The following CDK13 variants were observed in gnomAD, a reference collection of about 807,000 sequenced individuals.
CDK13 encodes the protein cyclin-dependent kinase 13.
Under a neutral mutation model 137.6 loss-of-function variants are expected in CDK13, and 40 were observed. That is an observed-to-expected ratio of 0.29 (90% confidence interval 0.23 to 0.38). The LOEUF (loss-of-function observed/expected upper bound fraction) is 0.38. CDK13 is among the 10% of genes least tolerant of loss of function. CDK13 has a pLI of 1.00. For missense variants in CDK13, 1,704 were observed against 1,951.8 expected (o/e 0.87, Z 2.39); for synonymous variants, 869 against 760.1 (o/e 1.14, Z -2.36).
chr7:39,993,845 C>A (rs1172725827), intron 2 of CDK13, among the ~76,000 whole-genome samples: 1 of 151,996 alleles, frequency 6.6e-6, no homozygotes, highest in East Asian at 1.9e-4. Flanking sequence ...AAATTTGATA[C>A]AAACTGTCAC....
intron 9 of CDK13, among the ~76,000 whole-genome samples, chr7:40,066,254 C>T (rs555150077): frequency 2.4e-4 from 37 of 152,294 alleles, no homozygotes; most frequent in African/African-American, 8.4e-4. Context: ...TATTACACAT[C>T]TTTTAGAAAC....
At chr7:40,046,102 C>G (rs146902817) in intron 6 of CDK13, 77 bp downstream of exon 6, 2 of 935,748 alleles carry the variant, frequency 2.1e-6, no homozygotes, top group Non-Finnish European at 3.2e-6. Flanking sequence ...GACTGGAAAC[C>G]GTAGCGGCGG....
At chr7:39,990,950 A>G (rs994188698) in intron 2 of CDK13, among the ~76,000 whole-genome samples, 2 of 152,272 alleles carry the variant, frequency 1.3e-5, no homozygotes, top group African/African-American at 4.8e-5. Context: ...AATATGATTT[A>G]CATTGTATAA....
Position 40,014,058 on chromosome 7 carries a change from C to CTTTTTTT in CDK13, c.2353+12048_2353+12054dup, listed in dbSNP as rs927741062. ...TGATAGGCAAAAAATGCTGTCTTGT[C>CTTTTTTT]TTTTTTTTTTTTTTTTTTTTTTTTT... is the stretch of plus-strand genomic sequence containing the variant. On this transcript the variant is annotated intron_variant, in intron 5 of 13. Transcript: ENST00000181839. Among the ~76,000 whole-genome samples, 18 of 60,946 alleles carry CTTTTTTT rather than the reference C, an allele frequency of 3.0e-4. 1 individual carries two copies. The highest frequency in any genetic ancestry group is 1.2e-3 in the African/African-American group (16 of 13,412). The allele number at this position is 60,946 out of a possible 152,430, so 40.0% of individuals were successfully genotyped here. A position where few individuals can be genotyped will look rare whatever the true frequency, so the allele number is the denominator to read the frequency against.
intron 3 of CDK13, 154 bp downstream of exon 3, chr7:39,997,818 A>G (rs1784595907): frequency 1.7e-6 from 1 of 587,028 alleles, no homozygotes; most frequent in Non-Finnish European, 2.9e-6. Context: ...GAAAAAAATC[A>G]TAATTGCTTG....
intron 9 of CDK13, among the ~76,000 whole-genome samples, chr7:40,068,917 T>C (rs1786347873): frequency 6.6e-6 from 1 of 152,100 alleles, no homozygotes; most frequent in African/African-American, 2.4e-5. Context: ...CATGTTTTTA[T>C]TTTGTTAAGA....
At chr7:40,003,503 A>G (rs1434837392) in intron 5 of CDK13, among the ~76,000 whole-genome samples, 2 of 152,146 alleles carry the variant, frequency 1.3e-5, no homozygotes, top group South Asian at 4.1e-4. Context: ...GACTTAGTGT[A>G]TTAGTGGTGT....
intron 12 of CDK13, chr7:40,092,298 C>T (rs1786942476): frequency 6.4e-6 from 1 of 155,580 alleles, no homozygotes; most frequent in Admixed American, 6.3e-5. Context: ...ACCTCTGCCA[C>T]TTACAGAATA....
At chr7:39,967,702 C>T (rs759651690) in intron 1 of CDK13, among the ~76,000 whole-genome samples, 5 of 152,138 alleles carry the variant, frequency 3.3e-5, no homozygotes, top group Non-Finnish European at 5.9e-5. Flanking sequence ...TACATTCATA[C>T]CAGCAGTGCA....
chr7:39,982,179 C>A (rs1247523914), intron 1 of CDK13, among the ~76,000 whole-genome samples: 38 of 145,512 alleles, frequency 2.6e-4, no homozygotes, highest in Non-Finnish European at 3.9e-4. Context: ...CCCTACCCCA[C>A]AACAGTCCCC....
rs533434369 is a variant in CDK13, at chr7:39,987,222, G to C, written c.1212-377G>C. 29 of 165,238 alleles carry C rather than the reference G, an allele frequency of 1.8e-4. No individual in the cohort carries two copies. In the South Asian group the frequency reaches 5.1e-3, roughly 29 times the overall value. 10.2% of individuals were successfully genotyped at this position (165,238 alleles called of 1,614,324 possible). A position where few individuals can be genotyped will look rare whatever the true frequency, so the allele number is the denominator to read the frequency against. Reference sequence around the variant, plus strand: ...TACTTCTGAACTTACAGTTGAGGAAGGTACTTTTGAGATGTGGCAACTGTC... The same window carrying C: ...TACTTCTGAACTTACAGTTGAGGAACGTACTTTTGAGATGTGGCAACTGTC... On this transcript the variant is annotated intron_variant, in intron 1 of 13. Transcript: ENST00000181839.
intron 5 of CDK13, among the ~76,000 whole-genome samples, chr7:40,039,050 C>T (rs1363631845): frequency 1.3e-5 from 2 of 151,908 alleles, no homozygotes; most frequent in African/African-American, 2.4e-5. Context: ...AGGGGCGCTT[C>T]GCTCTTTTTT....
At chr7:39,958,911 A>G (rs1787513408) in intron 1 of CDK13, among the ~76,000 whole-genome samples, 1 of 152,134 alleles carries the variant, frequency 6.6e-6, no homozygotes, top group African/African-American at 2.4e-5. Context: ...CCTGAGTCTC[A>G]CCAACACTTG....
intron 5 of CDK13, among the ~76,000 whole-genome samples, chr7:40,011,448 CAAT>C (rs1193440463): frequency 6.6e-6 from 1 of 152,100 alleles, no homozygotes; most frequent in African/African-American, 2.4e-5. Context: ...ACGTATAGAT[CAAT>C]AATAGAATTG....
chr7:40,089,348 G>A (rs1786863642), intron 12 of CDK13, among the ~76,000 whole-genome samples: 2 of 148,602 alleles, frequency 1.3e-5, no homozygotes, highest in Non-Finnish European at 3.0e-5. Flanking sequence ...GCTCAGGCAC[G>A]ATAATTGCTT....
In CDK13 at chr7:39,951,052, C is replaced by CG; in HGVS notation, c.416dup (p.Val140CysfsTer130). On this transcript the variant is annotated frameshift_variant, in exon 1 of 14. Transcript: ENST00000181839. LOFTEE classifies it high-confidence loss of function. ...ACGGCGGTGGCGGTGCTAGTAGCGG[C>CG]GGGGGTGTGACCCCGCTGGTGGAAT... 2 of 1,282,862 alleles carry CG rather than the reference C, an allele frequency of 1.6e-6. No individual in the cohort carries two copies. The highest frequency in any genetic ancestry group is 2.7e-5 in the South Asian group (1 of 37,452). The allele number at this position is 1,282,862 out of a possible 1,614,324, so 79.5% of individuals were successfully genotyped here. A position where few individuals can be genotyped will look rare whatever the true frequency, so the allele number is the denominator to read the frequency against.
At chr7:40,013,107 G>A (rs1424060801) in intron 5 of CDK13, among the ~76,000 whole-genome samples, 1 of 152,078 alleles carries the variant, frequency 6.6e-6, no homozygotes, top group African/African-American at 2.4e-5. Flanking sequence ...TTTTACACAT[G>A]CTTACAACAT....
chr7:40,042,484 T>C lies in CDK13; in HGVS notation c.2354-3352T>C, dbSNP rs1157843551. On this transcript the variant is annotated intron_variant, in intron 5 of 13. Transcript: ENST00000181839. ...TGTCCTTTTCTTTTCTTTCTTTTTT[T>C]TTTTTTTTTTTTTTTGACAGGGTTC... 4.1e-4 allele frequency among the ~76,000 whole-genome samples: 56 copies of C among 136,162 alleles called. 1 individual carries two copies. The South Asian group carries it at 0.013, about 31-fold the overall frequency. 89.3% of individuals were successfully genotyped at this position (136,162 alleles called of 152,430 possible).
At chr7:39,955,614 C>A (rs1366943211) in intron 1 of CDK13, among the ~76,000 whole-genome samples, 1 of 151,928 alleles carries the variant, frequency 6.6e-6, no homozygotes, top group African/African-American at 2.4e-5. Flanking sequence ...GTTCCTTGGC[C>A]ATTTTATCAG....
Sources: allele counts gnomAD v4.1 joint callset (sites outside exome capture counted in the v4.1 genomes callset), GRCh38; gene constraint gnomAD v4.1.1; transcripts MANE v1.5; gene names NCBI Gene and HGNC (gene_info 2026-07-23, HGNC 2026-07-21).